CSMD1: variants seen among roughly 807,000 people sequenced by gnomAD.
CSMD1 encodes the protein CUB and sushi domain-containing protein 1.
In CSMD1, 213 loss-of-function variants were observed where a neutral mutation model predicts 417.5. The observed-to-expected ratio is 0.51, with a 90% confidence interval of 0.46 to 0.57. The LOEUF is 0.57. Ranked by LOEUF, CSMD1 falls within the 20% of genes least tolerant of loss-of-function variation. The pLI is 0.00. For missense variants in CSMD1, 6,923 were observed against 4,529.7 expected, an observed-to-expected ratio of 1.53 and a Z score of -15.17; for synonymous variants, 2,862 against 1,736.8, an observed-to-expected ratio of 1.65 and a Z score of -16.11.
intron 3 of CSMD1, among the ~76,000 whole-genome samples, chr8:4,313,427 C>A (rs988658647): frequency 6.6e-6 from 1 of 151,492 alleles, no homozygotes; most frequent in South Asian, 2.1e-4. Context: ...TGACGGGACC[C>A]CTGTGACATT....
rs1189770107 is a variant in CSMD1, at chr8:3,080,633, C to A, written c.7474+6464G>T. ...GCCTGGGGCCTGCCACTTTGAACCCCACAATTCGGGATGGGTTTGGAGTGG... is the reference window on the plus strand; with the variant it reads ...GCCTGGGGCCTGCCACTTTGAACCCAACAATTCGGGATGGGTTTGGAGTGG... On this transcript the variant is annotated intron_variant, in intron 49 of 69. Coordinates refer to ENST00000635120, the MANE Select transcript of CSMD1 (RefSeq NM_033225.6). Among the ~76,000 whole-genome samples, 8 of 152,174 alleles carry A rather than the reference C, an allele frequency of 5.3e-5. No homozygotes were observed. In the East Asian group the frequency reaches 1.5e-3, roughly 29 times the overall value.
intron 52 of CSMD1, among the ~76,000 whole-genome samples, chr8:3,011,649 T>C (rs1808390635): frequency 6.6e-6 from 1 of 152,182 alleles, no homozygotes; most frequent in Admixed American, 6.5e-5. Context: ...TAAAAAATGA[T>C]AATGTCCTCT....
intron 5 of CSMD1, among the ~76,000 whole-genome samples, chr8:3,924,368 G>T (rs1809490427): frequency 6.6e-6 from 1 of 152,102 alleles, no homozygotes; most frequent in Admixed American, 6.6e-5. Flanking sequence ...AGCTCAAGCT[G>T]CATTTAATTC....
chr8:3,940,305 A>G (rs1810790379), intron 5 of CSMD1, among the ~76,000 whole-genome samples: 1 of 152,114 alleles, frequency 6.6e-6, no homozygotes, highest in South Asian at 2.1e-4. Context: ...GTGAATTTAT[A>G]TATACACTTA....
At chr8:4,941,240 ACT>A (rs755653720) in intron 1 of CSMD1, among the ~76,000 whole-genome samples, 26 of 149,742 alleles carry the variant, frequency 1.7e-4, no homozygotes, top group African/African-American at 4.6e-4. Context: ...ACATTGTAAC[ACT>A]CTTTTGTTGT....
intron 1 of CSMD1, among the ~76,000 whole-genome samples, chr8:4,949,976 G>GT (rs1486328748): frequency 1.3e-5 from 2 of 152,098 alleles, no homozygotes; most frequent in Non-Finnish European, 1.5e-5. Flanking sequence ...TAATGCAAAT[G>GT]TTTTTTATCT....
At chr8:4,724,542 G>GTGTGTGTC (rs1809288464) in intron 1 of CSMD1, among the ~76,000 whole-genome samples, 1 of 150,312 alleles carries the variant, frequency 6.7e-6, no homozygotes. Flanking sequence ...GTGTGTGTGT[G>GTGTGTGTC]TGTGTGTGTG....
At chr8:4,350,095 C>T (rs547994541) in intron 3 of CSMD1, among the ~76,000 whole-genome samples, 1 of 152,132 alleles carries the variant, frequency 6.6e-6, no homozygotes. Context: ...GACTTATGAG[C>T]CACCACTGGC....
chr8:4,601,030 C>A (rs911143853), intron 2 of CSMD1, among the ~76,000 whole-genome samples: 1 of 149,048 alleles, frequency 6.7e-6, no homozygotes, highest in African/African-American at 2.5e-5. Context: ...CATCTCGGCT[C>A]ACTGCAACCT....
intron 11 of CSMD1, among the ~76,000 whole-genome samples, chr8:3,491,616 C>T (rs937144139): frequency 6.6e-6 from 1 of 152,070 alleles, no homozygotes. Flanking sequence ...ATGAAGGAGT[C>T]GTGTCCCTGG....
intron 6 of CSMD1, among the ~76,000 whole-genome samples, chr8:3,709,698 T>TTTTTTTTTTTTTTTTTTTTG (rs1801394757): frequency 7.7e-6 from 1 of 129,416 alleles, no homozygotes; most frequent in African/African-American, 2.8e-5. Context: ...TTTTTTTTTT[T>TTTTTTTTTTTTTTTTTTTTG]TTTTTTTTTT....
At chr8:3,700,312 A>C (rs1585096856) in intron 7 of CSMD1, among the ~76,000 whole-genome samples, 2 of 152,220 alleles carry the variant, frequency 1.3e-5, no homozygotes, top group East Asian at 1.9e-4. Context: ...CATGTAGTTC[A>C]GTTTATATTC....
chr8:4,402,765 C>A (rs545503365), intron 3 of CSMD1, among the ~76,000 whole-genome samples: 1 of 150,874 alleles, frequency 6.6e-6, no homozygotes, highest in African/African-American at 2.4e-5. Flanking sequence ...TACTGAATGC[C>A]CTTGATGCTG....
chr8:3,668,357 G>A (rs926620674), intron 7 of CSMD1, among the ~76,000 whole-genome samples: 10 of 152,108 alleles, frequency 6.6e-5, no homozygotes, highest in South Asian at 4.1e-4. Context: ...TGTGCATGAC[G>A]GATGGAGTCC....
chr8:4,645,104 T>C (rs947305775), intron 1 of CSMD1, among the ~76,000 whole-genome samples: 13 of 152,174 alleles, frequency 8.5e-5, no homozygotes, highest in Non-Finnish European at 1.3e-4. Context: ...TTCAGCAGCC[T>C]GATTGTCGAA....
At chr8:3,809,566 G>A (rs1284405998) in intron 5 of CSMD1, among the ~76,000 whole-genome samples, 1 of 152,128 alleles carries the variant, frequency 6.6e-6, no homozygotes. Flanking sequence ...TTCACTGGGA[G>A]AGCTTGTGAA....
chr8:4,143,369 CCCT>C (rs137977301), intron 3 of CSMD1, among the ~76,000 whole-genome samples: 42,934 of 108,842 alleles, frequency 0.39, 7,684 homozygotes, highest in Admixed American at 0.47. Context: ...GACGTCTTAT[CCCT>C]TTTTTTTTTT....
chr8:3,378,191 TA>T (rs1204946729), intron 18 of CSMD1, among the ~76,000 whole-genome samples: 2 of 152,196 alleles, frequency 1.3e-5, no homozygotes, highest in Admixed American at 6.5e-5. Flanking sequence ...TAGTCTTGGC[TA>T]AACCAGGAAG....
At chr8:3,606,988 G>C (rs756726288) in intron 8 of CSMD1, among the ~76,000 whole-genome samples, 7 of 152,152 alleles carry the variant, frequency 4.6e-5, no homozygotes, top group South Asian at 4.1e-4. Context: ...GGCATTACAA[G>C]CGTGAGCCGC....
Sources: gnomAD v4.1 joint callset for allele counts (sites outside exome capture counted in the v4.1 genomes callset) on GRCh38, gnomAD v4.1.1 for gene constraint, MANE v1.5 for transcripts, NCBI Gene and HGNC (gene_info 2026-07-23, HGNC 2026-07-21) for gene names.